ACYP2: variants seen among roughly 807,000 people sequenced by gnomAD.
The protein encoded by ACYP2 is acylphosphatase 2.
Under a neutral mutation model 11.2 loss-of-function variants are expected in ACYP2, and 12 were observed. That is an observed-to-expected ratio of 1.08 (90% CI 0.69 to 1.74). The LOEUF is 1.74. Ranked by LOEUF, ACYP2 falls within the 40% of genes most tolerant of loss-of-function variation. The probability of loss-of-function intolerance (pLI) is 0.00; values close to 1 mark genes in which losing one functional copy is unlikely to be tolerated. For synonymous variants in ACYP2, 43 were observed against 32.2 expected (o/e 1.33, Z -1.13); for missense variants, 134 against 101.9 (o/e 1.31, Z -1.35).
At chr2:54,173,721 T>G (rs1218152653) in intron 6 of ACYP2, among the ~76,000 whole-genome samples, 1 of 152,176 alleles carries the variant, frequency 6.6e-6, no homozygotes, top group Non-Finnish European at 1.5e-5. Context: ...TTGTATAAGG[T>G]GTAAGGAAGG....
In ACYP2 at chr2:54,170,928, C is replaced by T. The variant is rs549035919; in HGVS notation, c.404+32180C>T. ...ACCTCCTCACTGCCCCTGTGAGGTG[C>T]AGCGCCATCCAAGTCAATCACAGGG... On this transcript the variant is annotated intron_variant, in intron 6 of 6. Coordinates refer to ENST00000607452, the MANE Select transcript of ACYP2 (RefSeq NM_001320586.2). 5.9e-5 allele frequency among the ~76,000 whole-genome samples: 9 copies of T among 152,260 alleles called. No homozygotes were observed. The South Asian group carries it at 1.9e-3, about 32-fold the overall frequency.
chr2:54,137,158 A>G (rs1681295410), intron 5 of ACYP2, among the ~76,000 whole-genome samples: 1 of 152,234 alleles, frequency 6.6e-6, no homozygotes, highest in Admixed American at 6.5e-5. Context: ...ATAGACAATT[A>G]TAACATTTCT....
At position 54,186,707 on chromosome 2, in the gene ACYP2, C is replaced by CTTCA. The variant is rs1465506507; in HGVS notation, c.404+47960_404+47963dup. On this transcript the variant is annotated intron_variant, in intron 6 of 6. Coordinates refer to ENST00000607452, the MANE Select transcript of ACYP2 (RefSeq NM_001320586.2). ...TTTTGTATTTTTAGTAGAGACGGGG[C>CTTCA]TTCACCATGTTGGCCAGGCTGGTCT... 2.6e-5 allele frequency among the ~76,000 whole-genome samples: 4 copies of CTTCA among 151,900 alleles called. No homozygotes were observed. In the East Asian group the frequency reaches 7.8e-4, roughly 29 times the overall value.
At chr2:54,279,147 A>C (rs1688737632) in intron 6 of ACYP2, among the ~76,000 whole-genome samples, 1 of 152,262 alleles carries the variant, frequency 6.6e-6, no homozygotes, top group Non-Finnish European at 1.5e-5. Flanking sequence ...CTGCTGTTTC[A>C]TGAACCTATG....
intron 2 of ACYP2, among the ~76,000 whole-genome samples, chr2:53,988,283 T>A (rs1217959969): frequency 6.6e-6 from 1 of 152,180 alleles, no homozygotes; most frequent in African/African-American, 2.4e-5. Context: ...AGTTTTATAG[T>A]TTTCTGTTTT....
At chr2:54,038,362 G>A (rs1441141774) in intron 2 of ACYP2, among the ~76,000 whole-genome samples, 1 of 151,208 alleles carries the variant, frequency 6.6e-6, no homozygotes, top group Non-Finnish European at 1.5e-5. Flanking sequence ...TGTTTTTTTT[G>A]CAAATATATC....
chr2:54,301,237 G>C (rs1017632076), intron 6 of ACYP2, among the ~76,000 whole-genome samples: 6 of 151,872 alleles, frequency 4.0e-5, no homozygotes, highest in Non-Finnish European at 7.4e-5. Context: ...TGTGCTTCTT[G>C]GTTTTCTGTC....
intron 6 of ACYP2, among the ~76,000 whole-genome samples, chr2:54,165,979 A>G (rs1012966282): frequency 3.9e-5 from 6 of 152,230 alleles, no homozygotes; most frequent in Non-Finnish European, 7.3e-5. Context: ...TTAATCCACC[A>G]AAACACACAC....
At chr2:54,275,983 C>A (rs987966966) in intron 6 of ACYP2, among the ~76,000 whole-genome samples, 1 of 152,044 alleles carries the variant, frequency 6.6e-6, no homozygotes, top group African/African-American at 2.4e-5. Context: ...TGTCATATAT[C>A]TTTTTCTGAA....
At chr2:54,006,886 A>T (rs1673092225) in intron 2 of ACYP2, among the ~76,000 whole-genome samples, 1 of 152,048 alleles carries the variant, frequency 6.6e-6, no homozygotes, top group South Asian at 2.1e-4. Flanking sequence ...TCACTTTGGG[A>T]GACCGAGGCG....
At chr2:54,070,409 T>C (rs1676974752) in intron 4 of ACYP2, among the ~76,000 whole-genome samples, 2 of 152,214 alleles carry the variant, frequency 1.3e-5, no homozygotes, top group Admixed American at 6.5e-5. Flanking sequence ...GTGATTTACA[T>C]TGAAGTCAAA....
At chr2:54,057,413 C>A in intron 4 of ACYP2, 2 of 395,290 alleles carry the variant, frequency 5.1e-6, no homozygotes, top group South Asian at 2.7e-4. Context: ...TTTTACAGTT[C>A]ATCAGAACAT....
rs1177827780 is a variant in ACYP2, at chr2:54,186,705, G to A, written c.404+47957G>A. 2.6e-5 allele frequency among the ~76,000 whole-genome samples: 4 copies of A among 151,870 alleles called. No homozygotes were observed. The South Asian group carries it at 6.2e-4, about 24-fold the overall frequency. On this transcript the variant is annotated intron_variant, in intron 6 of 6. Coordinates refer to ENST00000607452, the MANE Select transcript of ACYP2 (RefSeq NM_001320586.2). ...ATTTTTGTATTTTTAGTAGAGACGG[G>A]GCTTCACCATGTTGGCCAGGCTGGT...
At chr2:54,191,050 G>GC (rs1684218143) in intron 6 of ACYP2, among the ~76,000 whole-genome samples, 1 of 151,518 alleles carries the variant, frequency 6.6e-6, no homozygotes, top group South Asian at 2.1e-4. Context: ...AATTTCTCAT[G>GC]CCCCCACTCC....
intron 2 of ACYP2, chr2:53,973,923 T>A (rs1157388422): frequency 6.3e-6 from 1 of 159,300 alleles, no homozygotes; most frequent in Non-Finnish European, 1.3e-5. Context: ...TTTTTTTTTT[T>A]TTTTTTTGAG....
intron 2 of ACYP2, among the ~76,000 whole-genome samples, chr2:53,991,924 C>A (rs189563825): frequency 1.8e-4 from 28 of 152,228 alleles, no homozygotes; most frequent in African/African-American, 6.5e-4. Flanking sequence ...GCCAAGCCTC[C>A]CAAGTAGCTA....
chr2:54,055,010 C>T lies in ACYP2; in HGVS notation c.156-2229C>T, dbSNP rs964824571. On this transcript the variant is annotated intron_variant, in intron 3 of 6. Coordinates refer to ENST00000607452, the MANE Select transcript of ACYP2 (RefSeq NM_001320586.2). ...TAACTTTTCCTCATATAAAAAAGAG[C>T]TGGCTATGCAACAACTGGTTTTTCT... Among the ~76,000 whole-genome samples the T allele has an allele frequency of 2.6e-5, 4 of 152,130 alleles. No homozygotes were observed. The South Asian group carries it at 8.3e-4, about 31-fold the overall frequency.
At chr2:54,109,645 T>C (rs377481804) in intron 4 of ACYP2, among the ~76,000 whole-genome samples, 1 of 152,188 alleles carries the variant, frequency 6.6e-6, no homozygotes, top group South Asian at 2.1e-4. Flanking sequence ...TGAGAAATTA[T>C]TTTGAAATGT....
chr2:54,290,375 C>A (rs982484920), intron 6 of ACYP2, among the ~76,000 whole-genome samples: 3 of 151,954 alleles, frequency 2.0e-5, no homozygotes, highest in African/African-American at 7.3e-5. Context: ...TTAAATAAAT[C>A]TGTTCCCCCA....
Sources: gnomAD v4.1 joint callset for allele counts (sites outside exome capture counted in the v4.1 genomes callset) on GRCh38, gnomAD v4.1.1 for gene constraint, MANE v1.5 for transcripts, NCBI Gene and HGNC (gene_info 2026-07-23, HGNC 2026-07-21) for gene names.